The following SPIDR variants were observed in gnomAD, a reference collection of about 807,000 sequenced individuals.
The protein encoded by SPIDR is DNA repair-scaffolding protein.
In SPIDR, 93 loss-of-function variants were observed where a neutral mutation model predicts 104.6. The ratio of observed to expected loss-of-function variants is 0.89; its 90% CI spans 0.75 to 1.06. SPIDR has a LOEUF of 1.06. SPIDR is among the 50% of genes least tolerant of loss of function. SPIDR has a pLI of 0.00. For missense variants in SPIDR, 1,154 were observed against 1,111.2 expected, an observed-to-expected ratio of 1.04 and a Z score of -0.55; for synonymous variants, 431 against 416.9, an observed-to-expected ratio of 1.03 and a Z score of -0.41.
chr8:47,279,633 T>A (rs1299684106), intron 1 of SPIDR, among the ~76,000 whole-genome samples: 1 of 152,154 alleles, frequency 6.6e-6, no homozygotes, highest in Non-Finnish European at 1.5e-5. Context: ...GGGTTGGTGG[T>A]TTGTCTTTAC....
chr8:47,611,041 A>T (rs2063537689), intron 10 of SPIDR, among the ~76,000 whole-genome samples: 2 of 152,308 alleles, frequency 1.3e-5, no homozygotes, highest in African/African-American at 4.8e-5. Context: ...TGCAGTAGAC[A>T]CCCAGCAAGT....
chr8:47,626,850 A>G (rs1264005709), intron 10 of SPIDR, among the ~76,000 whole-genome samples: 1 of 152,156 alleles, frequency 6.6e-6, no homozygotes, highest in African/African-American at 2.4e-5. Flanking sequence ...GGGATCTAGA[A>G]CTAGAAATAC....
intron 6 of SPIDR, among the ~76,000 whole-genome samples, chr8:47,403,289 T>G (rs1057017570): frequency 1.3e-5 from 2 of 152,162 alleles, no homozygotes; most frequent in Non-Finnish European, 2.9e-5. Flanking sequence ...CTTTGAAAAC[T>G]GGCACAAGAC....
Position 47,603,493 on chromosome 8 carries a change from G to A in SPIDR, c.1544+4297G>A, listed in dbSNP as rs576250688. Among the ~76,000 whole-genome samples the A allele has an allele frequency of 3.0e-4, 45 of 151,780 alleles. No individual in the cohort carries two copies. The South Asian group carries it at 5.2e-3, about 18-fold the overall frequency. ...ACTGCAGCCTCAACCTCCTGGGCTCGAGCAGTCCTTCCACCTCAGCCTCCA... is the reference window on the plus strand; with the variant it reads ...ACTGCAGCCTCAACCTCCTGGGCTCAAGCAGTCCTTCCACCTCAGCCTCCA... On this transcript the variant is annotated intron_variant, in intron 10 of 19. Transcript: ENST00000297423.
chr8:47,409,409 T>G (rs1307512817), intron 7 of SPIDR, among the ~76,000 whole-genome samples: 1 of 152,138 alleles, frequency 6.6e-6, no homozygotes, highest in Admixed American at 6.5e-5. Context: ...AAGCCTCCTC[T>G]CCTCCTAAAC....
At chr8:47,581,316 A>T (rs2059672758) in intron 8 of SPIDR, among the ~76,000 whole-genome samples, 2 of 152,118 alleles carry the variant, frequency 1.3e-5, no homozygotes, top group South Asian at 4.1e-4. Context: ...TTCATTTTCA[A>T]AGTGATTTTA....
intron 8 of SPIDR, among the ~76,000 whole-genome samples, chr8:47,572,746 G>T (rs1437497251): frequency 6.6e-6 from 1 of 151,972 alleles, no homozygotes; most frequent in African/African-American, 2.4e-5. Flanking sequence ...CTTTGAAGAT[G>T]TGGTTTGCAA....
At chr8:47,451,812 G>GA in intron 8 of SPIDR, among the ~76,000 whole-genome samples, 1 of 152,040 alleles carries the variant, frequency 6.6e-6, no homozygotes, top group Non-Finnish European at 1.5e-5. Context: ...GGAAACACCA[G>GA]AAAAAATATT....
intron 5 of SPIDR, chr8:47,294,425 T>C (rs2040472731): frequency 6.0e-6 from 1 of 165,490 alleles, no homozygotes; most frequent in Non-Finnish European, 1.3e-5. Context: ...GCTTAATTCT[T>C]CCAGCAAAAT....
chr8:47,649,589 T>C (rs2071227624), intron 10 of SPIDR, among the ~76,000 whole-genome samples: 1 of 152,122 alleles, frequency 6.6e-6, no homozygotes, highest in Non-Finnish European at 1.5e-5. Flanking sequence ...GGAGGGAAGA[T>C]CAGGGTTCAT....
At chr8:47,580,422 A>G (rs993667076) in intron 8 of SPIDR, among the ~76,000 whole-genome samples, 1 of 152,160 alleles carries the variant, frequency 6.6e-6, no homozygotes, top group African/African-American at 2.4e-5. Flanking sequence ...TTTCATTTTC[A>G]CAAGAAATCT....
intron 11 of SPIDR, among the ~76,000 whole-genome samples, chr8:47,685,517 A>ATTTATTTTTTTTTTTTT (rs761792229): frequency 2.3e-5 from 3 of 130,098 alleles, no homozygotes; most frequent in Non-Finnish European, 5.1e-5. Context: ...TTATTTATTT[A>ATTTATTTTTTTTTTTTT]TTTTTTTGAG....
At chr8:47,415,139 G>A (rs1435844693) in intron 7 of SPIDR, among the ~76,000 whole-genome samples, 2 of 152,070 alleles carry the variant, frequency 1.3e-5, no homozygotes, top group African/African-American at 2.4e-5. Flanking sequence ...TCCTGACCTC[G>A]TGATCCTCCC....
chr8:47,390,935 C>CAGTT (rs1253836176), intron 5 of SPIDR, among the ~76,000 whole-genome samples: 1 of 152,148 alleles, frequency 6.6e-6, no homozygotes, highest in Non-Finnish European at 1.5e-5. Context: ...TATGAACCTG[C>CAGTT]AGTTGCCTTT....
intron 8 of SPIDR, among the ~76,000 whole-genome samples, chr8:47,496,936 C>G (rs1368031101): frequency 6.6e-6 from 1 of 151,784 alleles, no homozygotes; most frequent in Admixed American, 6.6e-5. Flanking sequence ...GGAGTTTGTG[C>G]CTTTCTAGAA....
At chr8:47,658,963 A>C (rs2073514320) in intron 10 of SPIDR, among the ~76,000 whole-genome samples, 2 of 151,612 alleles carry the variant, frequency 1.3e-5, no homozygotes, top group African/African-American at 4.8e-5. Context: ...AAAAAAAAGA[A>C]AAGACTCTTC....
intron 8 of SPIDR, among the ~76,000 whole-genome samples, chr8:47,485,269 CTG>C (rs1554730198): frequency 6.6e-6 from 1 of 152,218 alleles, no homozygotes; most frequent in Non-Finnish European, 1.5e-5. Context: ...CTAGTACAGT[CTG>C]AGATCAAACT....
rs749027867 is a variant in SPIDR, at chr8:47,713,527, C to G, written c.2227C>G (p.Gln743Glu). The G allele has an allele frequency of 1.2e-6, 2 of 1,614,070 alleles. No homozygotes were observed. The highest frequency in any genetic ancestry group is 2.7e-5 in the African/African-American group (2 of 74,914). Residue 743 changes from glutamine (Q) to glutamate (E), a missense_variant, in exon 16 of 20, where the codon CAG (glutamine) becomes GAG (glutamate). Gln to Glu is a conservative substitution (Grantham distance 29). Transcript: ENST00000297423. ...TGCTGAACGAACTGTCCTCTTGCTT[C>G]AGAAGCCCCTTTTGAGTGTGGTCTC... ...VCAERTVLLLQKPLLSVVSGA... is the reference protein window; with the variant it reads ...VCAERTVLLLEKPLLSVVSGA...
chr8:47,684,188 CTG>C (rs2077459569), intron 11 of SPIDR, among the ~76,000 whole-genome samples: 2 of 136,988 alleles, frequency 1.5e-5, no homozygotes, highest in East Asian at 2.2e-4. Flanking sequence ...ACCTAACAAA[CTG>C]TTAAAATTTT....
Sources: allele counts gnomAD v4.1 joint callset (sites outside exome capture counted in the v4.1 genomes callset), GRCh38; gene constraint gnomAD v4.1.1; transcripts MANE v1.5; gene names NCBI Gene and HGNC (gene_info 2026-07-23, HGNC 2026-07-21).